FOCAD: variants seen among roughly 807,000 people sequenced by gnomAD.
The protein encoded by FOCAD is focadhesin, also known as KIAA1797.
FOCAD carries 198 observed loss-of-function variants against 225.6 expected under a neutral mutation model. That is an observed-to-expected ratio of 0.88 (90% CI 0.78 to 0.99). The LOEUF is 0.99. Among genes scored for constraint, FOCAD ranks in the 50% least tolerant of loss-of-function variants. FOCAD has a pLI of 0.00. For synonymous variants in FOCAD, 897 were observed against 755.0 expected, an observed-to-expected ratio of 1.19 and a Z score of -3.08; for missense variants, 2,713 against 2,123.6, an observed-to-expected ratio of 1.28 and a Z score of -5.46.
chr9:20,927,048 C>T (rs1478011308), intron 26 of FOCAD, among the ~76,000 whole-genome samples: 1 of 150,456 alleles, frequency 6.6e-6, no homozygotes, highest in Non-Finnish European at 1.5e-5. Flanking sequence ...AAAAGAAATA[C>T]CAATGTGTAG....
intron 10 of FOCAD, among the ~76,000 whole-genome samples, chr9:20,784,020 G>A (rs972111986): frequency 6.6e-6 from 1 of 152,184 alleles, no homozygotes; most frequent in Non-Finnish European, 1.5e-5. Flanking sequence ...CTAAGACCAA[G>A]GCAGAGTTCC....
chr9:20,677,299 A>C (rs1223728392), intron 2 of FOCAD, among the ~76,000 whole-genome samples: 1 of 152,210 alleles, frequency 6.6e-6, no homozygotes, highest in Non-Finnish European at 1.5e-5. Context: ...AAGCTTCTTG[A>C]CCTTGTTCTG....
chr9:20,802,069 C>G (rs190827659), intron 11 of FOCAD, among the ~76,000 whole-genome samples: 102 of 152,244 alleles, frequency 6.7e-4, no homozygotes, highest in Non-Finnish European at 1.3e-3. Context: ...TAATGTATTT[C>G]AAATGGGTAG....
chr9:20,684,251 CGTCAGGCAGCCGGCG>C (rs897286985), exon 1 of FOCAD: 2 of 152,482 alleles, frequency 1.3e-5, no homozygotes, highest in African/African-American at 4.8e-5. Context: ...GGGCGGGCCA[CGTCAGGCAGCCGGCG>C]CTGGGCTGAG....
intron 37 of FOCAD, among the ~76,000 whole-genome samples, chr9:20,979,817 C>T (rs1226235255): frequency 6.6e-6 from 1 of 152,178 alleles, no homozygotes; most frequent in African/African-American, 2.4e-5. Context: ...CCTGCAAGCA[C>T]TCAGTGAGTA....
rs371822057 is a variant in FOCAD at position 20,760,155 on chromosome 9, G to C, written c.494+1964G>C. 2.6e-5 allele frequency among the ~76,000 whole-genome samples: 4 copies of C among 152,170 alleles called. No homozygotes were observed. The East Asian group carries it at 5.8e-4, about 22-fold the overall frequency. ...CATCCCTCAGAAGGATATATCAAGA[G>C]AGCAGATCTTACAGTATCATTCCCA... On this transcript the variant is annotated intron_variant, in intron 6 of 43. Transcript: ENST00000338382.
At chr9:20,796,179 A>G (rs1472763101) in intron 11 of FOCAD, among the ~76,000 whole-genome samples, 1 of 152,212 alleles carries the variant, frequency 6.6e-6, no homozygotes, top group Non-Finnish European at 1.5e-5. Flanking sequence ...ATTCCATGGT[A>G]TATATGTGCC....
chr9:20,742,109 C>A (rs1188078066), intron 5 of FOCAD, among the ~76,000 whole-genome samples: 2 of 152,184 alleles, frequency 1.3e-5, no homozygotes, highest in Non-Finnish European at 2.9e-5. Context: ...AATTAGCCGT[C>A]ACTCCATATT....
rs138936359 is a variant in FOCAD, at chr9:20,862,274, T to C, written c.1921-304T>C. 6.7e-3 allele frequency among the ~76,000 whole-genome samples: 1,019 copies of C among 152,130 alleles called. 13 individuals carry two copies. Among genetic ancestry groups the C allele is most frequent in the South Asian group, 0.038 (185 of 4,808 alleles). ...TTCAACAATGCATATAGCTAGATAATCTGGAGTTAATTTTGTGTGTGTCGG... is the reference window on the plus strand; with the variant it reads ...TTCAACAATGCATATAGCTAGATAACCTGGAGTTAATTTTGTGTGTGTCGG... On this transcript the variant is annotated intron_variant, in intron 15 of 43. Transcript: ENST00000338382.
chr9:20,764,849 A>T lies in FOCAD; in HGVS notation c.495-20A>T. Reference sequence around the variant, plus strand: ...GTGTGTTTAACTCAATAACTGGCTAATGTATTTCATGTCTTATAGGTTAGA... The same window carrying T: ...GTGTGTTTAACTCAATAACTGGCTATTGTATTTCATGTCTTATAGGTTAGA... On this transcript the variant is annotated intron_variant, in intron 6 of 43. Coordinates refer to ENST00000338382, the MANE Select transcript of FOCAD (RefSeq NM_001375567.1). The T allele has an allele frequency of 6.3e-7, 1 of 1,596,740 alleles. No individual in the cohort carries two copies. The highest frequency in any genetic ancestry group is 8.6e-7 in the Non-Finnish European group (1 of 1,166,128).
At chr9:20,699,175 C>T (rs1587254482) in intron 1 of FOCAD, among the ~76,000 whole-genome samples, 2 of 152,288 alleles carry the variant, frequency 1.3e-5, no homozygotes, top group South Asian at 4.1e-4. Flanking sequence ...CTGATCTGAT[C>T]TTTGATAACC....
chr9:20,854,158 G>C (rs1250457246), intron 15 of FOCAD, among the ~76,000 whole-genome samples: 1 of 151,672 alleles, frequency 6.6e-6, no homozygotes, highest in Non-Finnish European at 1.5e-5. Flanking sequence ...GACAAAAGGA[G>C]TAGGCTGTTC....
chr9:20,867,149 A>T (rs1829358700), intron 18 of FOCAD, 137 bp downstream of exon 18: 2 of 544,358 alleles, frequency 3.7e-6, no homozygotes, highest in Non-Finnish European at 3.2e-6. Context: ...ATACAAATTC[A>T]TACCCATTAT....
chr9:20,748,318 T>C (rs1828242657), intron 5 of FOCAD, among the ~76,000 whole-genome samples: 1 of 152,048 alleles, frequency 6.6e-6, no homozygotes, highest in Admixed American at 6.6e-5. Flanking sequence ...AAATGGTCTT[T>C]ATAGTTTTTT....
intron 15 of FOCAD, among the ~76,000 whole-genome samples, chr9:20,858,408 T>G (rs1828426373): frequency 6.6e-6 from 1 of 152,154 alleles, no homozygotes; most frequent in Non-Finnish European, 1.5e-5. Context: ...TAATGATCCT[T>G]TGAATTTTTG....
intron 25 of FOCAD, among the ~76,000 whole-genome samples, chr9:20,925,129 C>T (rs992335528): frequency 1.3e-5 from 2 of 151,880 alleles, no homozygotes; most frequent in Admixed American, 6.6e-5. Flanking sequence ...AGTTAATTAC[C>T]TTATGAAAAT....
intron 10 of FOCAD, among the ~76,000 whole-genome samples, chr9:20,786,446 A>T (rs981173248): frequency 2.0e-5 from 3 of 152,138 alleles, no homozygotes; most frequent in Non-Finnish European, 2.9e-5. Flanking sequence ...CTTCATAGTG[A>T]TATAGTGCTA....
intron 11 of FOCAD, among the ~76,000 whole-genome samples, chr9:20,792,134 G>C (rs1360803446): frequency 1.3e-5 from 2 of 152,094 alleles, no homozygotes; most frequent in African/African-American, 4.8e-5. Flanking sequence ...TATTGTTTTG[G>C]AAATCAAGGC....
chr9:20,904,430 T>C (rs1408883536), intron 21 of FOCAD, among the ~76,000 whole-genome samples: 2 of 151,954 alleles, frequency 1.3e-5, no homozygotes, highest in African/African-American at 4.8e-5. Flanking sequence ...GCCCATACTT[T>C]ACCTTCTCTA....
Sources: gnomAD v4.1 joint callset for allele counts (sites outside exome capture counted in the v4.1 genomes callset) on GRCh38, gnomAD v4.1.1 for gene constraint, MANE v1.5 for transcripts, NCBI Gene and HGNC (gene_info 2026-07-23, HGNC 2026-07-21) for gene names.